Variants in LONP1 observed in about 807,000 individuals in gnomAD.
The protein encoded by LONP1 is lon protease homolog, mitochondrial.
A neutral mutation model predicts 98.5 loss-of-function variants in LONP1; 31 were observed. The observed-to-expected ratio is 0.31, with a 90% CI of 0.24 to 0.42. The LOEUF (loss-of-function observed/expected upper bound fraction) is 0.42, where lower values mean the gene tolerates loss of function less well. Among genes scored for constraint, LONP1 ranks in the 20% least tolerant of loss-of-function variants. The probability of loss-of-function intolerance (pLI) is 1.00; values close to 1 mark genes in which losing one functional copy is unlikely to be tolerated. For missense variants in LONP1, 1,336 were observed against 1,350.6 expected, an observed-to-expected ratio of 0.99 and a Z score of 0.17; for synonymous variants, 781 against 594.7, an observed-to-expected ratio of 1.31 and a Z score of -4.56.
At chr19:5,700,985 G>A (rs2055031102) in intron 8 of LONP1, 58 bp from the exon 9 acceptor site, 67 of 1,598,902 alleles carry the variant, frequency 4.2e-5, no homozygotes, top group Non-Finnish European at 5.7e-5. Context: ...CTGTCTCTCT[G>A]CTGGACTTGG....
intron 10 of LONP1, 39 bp downstream of exon 10, chr19:5,698,988 G>T: frequency 6.4e-7 from 1 of 1,569,564 alleles, no homozygotes; most frequent in Non-Finnish European, 8.7e-7. Flanking sequence ...CAGCACAGCT[G>T]AGGGGAGTGC....
chr19:5,694,673 G>A lies in LONP1; in HGVS notation c.2154+88C>T. The A allele has an allele frequency of 1.3e-5, 21 of 1,565,720 alleles. 1 individual carries two copies. The highest frequency in any genetic ancestry group is 1.8e-5 in the Non-Finnish European group (21 of 1,149,394). On this transcript the variant is annotated intron_variant, in intron 14 of 17. Coordinates refer to ENST00000360614, the MANE Select transcript of LONP1 (RefSeq NM_004793.4). Reference sequence around the variant, plus strand: ...GTGGTGGGGTGATGGGCGCAGGAAAGTGGGATGATGGGCATGGAAAGGTGG... The same window carrying A: ...GTGGTGGGGTGATGGGCGCAGGAAAATGGGATGATGGGCATGGAAAGGTGG...
chr19:5,715,616 TG>T (rs1236091522), intron 1 of LONP1, among the ~76,000 whole-genome samples: 1 of 111,744 alleles, frequency 8.9e-6, no homozygotes, highest in Non-Finnish European at 1.7e-5. Flanking sequence ...CACTCCAGCC[TG>T]GGCGACAGAG....
chr19:5,708,072 C>G (rs2055176633), intron 5 of LONP1: 6 of 609,668 alleles, frequency 9.8e-6, no homozygotes, highest in Middle Eastern at 8.7e-4. Flanking sequence ...GACCTCACCT[C>G]AGCAGTCTGC....
Position 5,706,797 on chromosome 19 carries a change from T to A in LONP1, c.1146+263A>T, listed in dbSNP as rs1316918511. On this transcript the variant is annotated intron_variant, in intron 7 of 17. Coordinates refer to ENST00000360614, the MANE Select transcript of LONP1 (RefSeq NM_004793.4). ...TACAAAGGCAAAGGAATTCTTCCCT[T>A]AATGTTGGACGGTCCTGAGACTGCT... 4.6e-5 allele frequency among the ~76,000 whole-genome samples: 7 copies of A among 152,202 alleles called. No homozygotes were observed. In the South Asian group the frequency reaches 1.2e-3, roughly 27 times the overall value.
intron 4 of LONP1, chr19:5,708,925 A>G (rs2055191883): frequency 6.6e-6 from 1 of 151,494 alleles, no homozygotes; most frequent in Non-Finnish European, 1.5e-5. Context: ...AGGCAGGAGA[A>G]TGGCGTGAAC....
At chr19:5,696,195 G>A in intron 12 of LONP1, 25 bp from the exon 13 acceptor site, 1 of 1,612,772 alleles carries the variant, frequency 6.2e-7, no homozygotes. Flanking sequence ...AAGGTGCTGG[G>A]GGACTGGCCG....
chr19:5,693,506 G>A, intron 16 of LONP1, 44 bp from the exon 17 acceptor site: 2 of 1,612,366 alleles, frequency 1.2e-6, no homozygotes, highest in Non-Finnish European at 1.7e-6. Context: ...GTGGCCAGCA[G>A]CCCAGGGACT....
At chr19:5,699,463 C>G (rs770022887) in intron 9 of LONP1, among the ~76,000 whole-genome samples, 7 of 152,038 alleles carry the variant, frequency 4.6e-5, no homozygotes, top group Non-Finnish European at 8.8e-5. Context: ...GTGCCAGGCC[C>G]GTTCAGCAGT....
Position 5,694,472 on chromosome 19 carries a change from G to A in LONP1, c.2235C>T (p.Phe745=), listed in dbSNP as rs770902212. ...CCACGGTGAACACGGGCTTCCCCAC[G>A]AAGTCCTGCAGGTTCTCGGGCGTCA... The part of the protein sequence containing the change: ...VEVTPENLQD[F]VGKPVFTVER... The change falls in exon 15 of 18, where the codon TTC becomes TTT. Residue 745 remains phenylalanine (F), a synonymous_variant. Coordinates refer to ENST00000360614, the MANE Select transcript of LONP1 (RefSeq NM_004793.4). The A allele has an allele frequency of 1.7e-5, 28 of 1,613,398 alleles. No homozygotes were observed. Among genetic ancestry groups the A allele is most frequent in the Admixed American group, 8.3e-5 (5 of 60,014 alleles).
At chr19:5,714,050 G>A in intron 2 of LONP1, 133 bp downstream of exon 2, 1 of 644,646 alleles carries the variant, frequency 1.6e-6, no homozygotes, top group South Asian at 2.0e-5. Flanking sequence ...CGTGGCTTCT[G>A]GCCTTTATTC....
intron 1 of LONP1, among the ~76,000 whole-genome samples, chr19:5,718,537 T>C (rs1224660525): frequency 2.0e-5 from 3 of 151,740 alleles, no homozygotes; most frequent in Non-Finnish European, 2.9e-5. Context: ...GTCCCCTCTC[T>C]ACTGGCTGCT....
At position 5,696,176 on chromosome 19, in the gene LONP1, G is replaced by A; in HGVS notation, c.1897-6C>T. The A allele has an allele frequency of 6.2e-7, 1 of 1,612,890 alleles. No individual in the cohort carries two copies. Among genetic ancestry groups the A allele is most frequent in the African/African-American group, 1.3e-5 (1 of 75,032 alleles). ...GCCGTGCAGATGAACAGCACCTGGG[G>A]GCGGCGGCAAGGTGCTGGGGGACTG... On this transcript the variant is annotated splice_polypyrimidine_tract_variant and splice_region_variant and intron_variant, in intron 12 of 17. Coordinates refer to ENST00000360614, the MANE Select transcript of LONP1 (RefSeq NM_004793.4).
In LONP1 at chr19:5,694,499, C is replaced by T. The variant is rs147897134; in HGVS notation, c.2208G>A (p.Glu736=). ...KIVSGEAESV[E]VTPENLQDFV... is the part of the protein sequence containing the mutation. ...AGTCCTGCAGGTTCTCGGGCGTCACCTCCACGGACTCGGCCTCGCCGCTGA... is the reference window on the plus strand; with the variant it reads ...AGTCCTGCAGGTTCTCGGGCGTCACTTCCACGGACTCGGCCTCGCCGCTGA... The change falls in exon 15 of 18, where the codon GAG becomes GAA. Residue 736 remains glutamate, a synonymous_variant. Transcript: ENST00000360614. The T allele has an allele frequency of 8.1e-6, 13 of 1,613,314 alleles. No homozygotes were observed. The East Asian group carries it at 2.7e-4, about 33-fold the overall frequency.
chr19:5,707,217 A>C, intron 6 of LONP1, 74 bp from the exon 7 acceptor site: 1 of 1,222,140 alleles, frequency 8.2e-7, no homozygotes, highest in Non-Finnish European at 1.2e-6. Context: ...GTTGGGGGAA[A>C]ATGCGCACCC....
intron 8 of LONP1, 118 bp from the exon 9 acceptor site, chr19:5,701,045 G>A: frequency 3.5e-6 from 4 of 1,137,454 alleles, no homozygotes; most frequent in Non-Finnish European, 5.2e-6. Flanking sequence ...TGAGCGCGGT[G>A]GCTCACGCCT....
rs747282188 is a variant in LONP1 at position 5,712,035 on chromosome 19, C to T, written c.639-33G>A. On this transcript the variant is annotated intron_variant, in intron 3 of 17. Transcript: ENST00000360614. ...GGGAGCAAGGCAGGTGTGAATCAGC[C>T]GCTGAGGCTGGGAGCTGGACCCGGC... 80 of 1,575,324 alleles carry T rather than the reference C, an allele frequency of 5.1e-5. No homozygotes were observed. The East Asian group carries it at 1.4e-3, about 27-fold the overall frequency.
In LONP1 at chr19:5,715,643, T is replaced by TAA. The variant is rs527565499; in HGVS notation, c.430-1374_430-1373dup. ...GGCGACAGAGTGAGACTCTGTCTCATAAAAAAAAAAAAAAAAAAAAAAAAA... is the reference window on the plus strand; with the variant it reads ...GGCGACAGAGTGAGACTCTGTCTCATAAAAAAAAAAAAAAAAAAAAAAAAAAA... On this transcript the variant is annotated intron_variant, in intron 1 of 17. Coordinates refer to ENST00000360614, the MANE Select transcript of LONP1 (RefSeq NM_004793.4). Among the ~76,000 whole-genome samples the TAA allele has an allele frequency of 3.8e-3, 117 of 31,096 alleles. 21 individuals are homozygous for TAA. Among genetic ancestry groups the TAA allele is most frequent in the East Asian group, 0.015 (7 of 458 alleles). The allele number at this position is 31,096 out of a possible 152,430, so 20.4% of individuals were successfully genotyped here. A position where few individuals can be genotyped will look rare whatever the true frequency, so the allele number is the denominator to read the frequency against.
At chr19:5,720,302 G>A, upstream of LONP1, 2 of 965,882 alleles carry the variant, frequency 2.1e-6, no homozygotes, top group Middle Eastern at 3.4e-4. Flanking sequence ...GCATCGGATC[G>A]TCTCCGCCTC....
Sources: allele counts gnomAD v4.1 joint callset (sites outside exome capture counted in the v4.1 genomes callset), GRCh38; gene constraint gnomAD v4.1.1; transcripts MANE v1.5; gene names NCBI Gene and HGNC (gene_info 2026-07-23, HGNC 2026-07-21).